The following PDE4D variants were observed in gnomAD, a reference collection of about 807,000 sequenced individuals.
The protein encoded by PDE4D is phosphodiesterase 4D.
In PDE4D, 24 loss-of-function variants were observed where a neutral mutation model predicts 87.4. The ratio of observed to expected loss-of-function variants is 0.27; its 90% CI spans 0.20 to 0.39. The LOEUF is 0.39. Ranked by LOEUF, PDE4D falls within the 10% of genes least tolerant of loss-of-function variation. The pLI, the probability that PDE4D is intolerant of heterozygous loss-of-function variation, is 1.00. For synonymous variants in PDE4D, 384 were observed against 383.2 expected (o/e 1.00, Z -0.02); for missense variants, 714 against 1,041.0 (o/e 0.69, Z 4.32).
At chr5:60,024,300 T>TACTTAAACTTAA in intron 2 of PDE4D, among the ~76,000 whole-genome samples, 1 of 152,228 alleles carries the variant, frequency 6.6e-6, no homozygotes, top group South Asian at 2.1e-4. Flanking sequence ...ACCACAAATG[T>TACTTAAACTTAA]ACTTAAACAA....
In PDE4D at chr5:59,768,141, G is replaced by A. The variant is rs1385040075; in HGVS notation, c.455+125027C>T. On this transcript the variant is annotated intron_variant, in intron 1 of 14. Coordinates refer to ENST00000340635, the MANE Select transcript of PDE4D (RefSeq NM_001104631.2). ...TCACTTGGCCATAAATCCCCGGTGA[G>A]GAATGATGATGGTCCTCCCTCCCTA... is the stretch of plus-strand genomic sequence containing the variant. 8.1e-6 allele frequency: 11 copies of A among 1,356,196 alleles called. No homozygotes were observed. In the East Asian group the frequency reaches 1.1e-4, roughly 14 times the overall value. The allele number at this position is 1,356,196 out of a possible 1,614,324, so 84.0% of individuals were successfully genotyped here. A position where few individuals can be genotyped will look rare whatever the true frequency, so the allele number is the denominator to read the frequency against.
At chr5:59,659,744 A>T (rs899844952) in intron 1 of PDE4D, among the ~76,000 whole-genome samples, 2 of 152,184 alleles carry the variant, frequency 1.3e-5, no homozygotes, top group African/African-American at 4.8e-5. Context: ...CCAGCCATCA[A>T]AGGGCAATCC....
chr5:59,970,652 A>G (rs1228245612), intron 3 of PDE4D, among the ~76,000 whole-genome samples: 2 of 151,070 alleles, frequency 1.3e-5, no homozygotes, highest in East Asian at 2.0e-4. Context: ...CAAAACCACA[A>G]TGAGATACCA....
chr5:59,634,002 C>T (rs973797596), intron 1 of PDE4D, among the ~76,000 whole-genome samples: 7 of 151,742 alleles, frequency 4.6e-5, no homozygotes, highest in Non-Finnish European at 8.8e-5. Flanking sequence ...ATCTCATGTG[C>T]AAACACACAC....
chr5:59,161,263 A>G (rs1781057600), intron 5 of PDE4D, among the ~76,000 whole-genome samples: 1 of 152,236 alleles, frequency 6.6e-6, no homozygotes, highest in Middle Eastern at 3.2e-3. Context: ...TGGTCAGGCT[A>G]CAGCTTGTTT....
chr5:60,128,605 A>G (rs145505676), intron 2 of PDE4D, among the ~76,000 whole-genome samples: 1 of 152,360 alleles, frequency 6.6e-6, no homozygotes, highest in African/African-American at 2.4e-5. Flanking sequence ...CTGGTGAACC[A>G]GAAACATCAA....
intron 1 of PDE4D, among the ~76,000 whole-genome samples, chr5:59,389,968 G>A (rs1457650316): frequency 3.9e-5 from 6 of 152,206 alleles, no homozygotes; most frequent in Non-Finnish European, 7.4e-5. Context: ...ATAATTTATT[G>A]TATATTTCAA....
intron 1 of PDE4D, among the ~76,000 whole-genome samples, chr5:59,701,337 C>T (rs563577537): frequency 2.0e-5 from 3 of 152,238 alleles, no homozygotes; most frequent in Admixed American, 1.3e-4. Flanking sequence ...TGATAATCTA[C>T]GTAAATATTT....
At chr5:59,094,124 A>G (rs1244648987) in intron 5 of PDE4D, among the ~76,000 whole-genome samples, 2 of 144,534 alleles carry the variant, frequency 1.4e-5, no homozygotes, top group Non-Finnish European at 3.0e-5. Flanking sequence ...AGGCTGAGGC[A>G]GGAGAATTGC....
At chr5:60,313,578 A>T (rs1288273414) in intron 1 of PDE4D, among the ~76,000 whole-genome samples, 10 of 152,228 alleles carry the variant, frequency 6.6e-5, no homozygotes, top group Admixed American at 2.6e-4. Context: ...TCCCTAACTC[A>T]TTTTATGAGG....
intron 1 of PDE4D, among the ~76,000 whole-genome samples, chr5:60,422,058 C>T (rs1743158559): frequency 1.3e-5 from 2 of 152,208 alleles, no homozygotes; most frequent in South Asian, 4.1e-4. Context: ...AAGACCAAAT[C>T]TACGTCTGAT....
rs144117794 is a variant in PDE4D at position 59,116,615 on chromosome 5, G to A, written c.808+63980C>T. 1.8e-4 allele frequency among the ~76,000 whole-genome samples: 27 copies of A among 152,260 alleles called. No individual in the cohort carries two copies. The East Asian group carries it at 4.4e-3, about 25-fold the overall frequency. On this transcript the variant is annotated intron_variant, in intron 5 of 14. Transcript: ENST00000340635. ...GGAAACACCCCTCAGCATTTTAAGA[G>A]GGTCAAAAGGAAGATGCTCTGCACG... is the stretch of plus-strand genomic sequence containing the variant.
intron 1 of PDE4D, among the ~76,000 whole-genome samples, chr5:60,366,976 C>T (rs1009679512): frequency 6.6e-6 from 1 of 152,080 alleles, no homozygotes; most frequent in Non-Finnish European, 1.5e-5. Context: ...TCACACCAGA[C>T]CAAGAGAGGA....
At chr5:60,375,383 T>G (rs1480419535) in intron 1 of PDE4D, among the ~76,000 whole-genome samples, 3 of 152,210 alleles carry the variant, frequency 2.0e-5, no homozygotes, top group African/African-American at 7.2e-5. Context: ...CTATTTTAAG[T>G]GTTTTGCATA....
At chr5:59,029,142 G>T (rs754485939) in intron 6 of PDE4D, among the ~76,000 whole-genome samples, 1 of 151,944 alleles carries the variant, frequency 6.6e-6, no homozygotes, top group African/African-American at 2.4e-5. Flanking sequence ...GCCAGGCGTG[G>T]TGGCTCACTC....
chr5:60,025,016 A>G (rs574958618), intron 2 of PDE4D, among the ~76,000 whole-genome samples: 2 of 152,266 alleles, frequency 1.3e-5, no homozygotes, highest in South Asian at 4.2e-4. Context: ...GTTAGATTAG[A>G]TTTGTTCTGA....
chr5:59,592,454 A>C (rs1826047629), intron 1 of PDE4D, among the ~76,000 whole-genome samples: 1 of 152,186 alleles, frequency 6.6e-6, no homozygotes, highest in African/African-American at 2.4e-5. Context: ...CCAATTAGAA[A>C]AGAAAAAATA....
chr5:59,665,608 G>A lies in PDE4D; in HGVS notation c.455+227560C>T, dbSNP rs75866160. ...CAATTATTGCAGCATAACTTAGAGA[G>A]TACAAATAAGCTGAAATGACCAGCT... On this transcript the variant is annotated intron_variant, in intron 1 of 14. Coordinates refer to ENST00000340635, the MANE Select transcript of PDE4D (RefSeq NM_001104631.2). Among the ~76,000 whole-genome samples the A allele has an allele frequency of 9.3e-3, 1,415 of 152,268 alleles. 25 individuals are homozygous for A. The highest frequency in any genetic ancestry group is 0.033 in the African/African-American group (1,351 of 41,542).
chr5:59,199,986 A>ACATG (rs1746454377), intron 2 of PDE4D, among the ~76,000 whole-genome samples: 1 of 151,458 alleles, frequency 6.6e-6, no homozygotes, highest in African/African-American at 2.4e-5. Flanking sequence ...ACATATATAC[A>ACATG]CATGCATACA....
Sources: allele counts gnomAD v4.1 joint callset (sites outside exome capture counted in the v4.1 genomes callset), GRCh38; gene constraint gnomAD v4.1.1; transcripts MANE v1.5; gene names NCBI Gene and HGNC (gene_info 2026-07-23, HGNC 2026-07-21).